GTF2H1: variants seen among roughly 807,000 people sequenced by gnomAD.
GTF2H1 encodes the protein BTF2 p62.
In GTF2H1, 16 loss-of-function variants were observed where a neutral mutation model predicts 71.2. That is an observed-to-expected ratio of 0.22 (90% confidence interval 0.15 to 0.34). The LOEUF (loss-of-function observed/expected upper bound fraction) is 0.34, where lower values mean the gene tolerates loss of function less well. Ranked by LOEUF, GTF2H1 falls within the 10% of genes least tolerant of loss-of-function variation. The probability of loss-of-function intolerance (pLI) is 1.00; values close to 1 mark genes in which losing one functional copy is unlikely to be tolerated. For missense variants in GTF2H1, 498 were observed against 648.2 expected, an observed-to-expected ratio of 0.77 and a Z score of 2.52; for synonymous variants, 215 against 219.0, an observed-to-expected ratio of 0.98 and a Z score of 0.16.
At chr11:18,335,486 C>A in intron 2 of GTF2H1, among the ~76,000 whole-genome samples, 1 of 152,058 alleles carries the variant, frequency 6.6e-6, no homozygotes, top group South Asian at 2.1e-4. Flanking sequence ...AACAAAAGCC[C>A]ATTAATATCT....
chr11:18,355,206 G>A (rs1044134796), intron 11 of GTF2H1, among the ~76,000 whole-genome samples: 32 of 148,490 alleles, frequency 2.2e-4, no homozygotes, highest in East Asian at 4.1e-4. Flanking sequence ...GCAGTGGCAT[G>A]ATCCCCACTC....
At position 18,340,778 on chromosome 11, in the gene GTF2H1, A is replaced by G. The variant is rs61884319; in HGVS notation, c.608-483A>G. ...AAGATTAAGTAATTTGCTCAGGGTCACACAGATAGAAAGTGGCAGACCTGG... is the reference window on the plus strand; with the variant it reads ...AAGATTAAGTAATTTGCTCAGGGTCGCACAGATAGAAAGTGGCAGACCTGG... On this transcript the variant is annotated intron_variant, in intron 5 of 14. Coordinates refer to ENST00000265963, the MANE Select transcript of GTF2H1 (RefSeq NM_005316.4). Among the ~76,000 whole-genome samples, 1,106 of 152,332 alleles carry G rather than the reference A, an allele frequency of 7.3e-3. 5 individuals carry two copies. Among genetic ancestry groups the G allele is most frequent in the Non-Finnish European group, 0.013 (863 of 68,026 alleles).
intron 11 of GTF2H1, among the ~76,000 whole-genome samples, chr11:18,355,422 C>T (rs1416031939): frequency 6.6e-6 from 1 of 151,708 alleles, no homozygotes; most frequent in Non-Finnish European, 1.5e-5. Flanking sequence ...GGATTACAGG[C>T]GTGAGCCACC....
At chr11:18,359,902 G>A (rs999147797) in intron 13 of GTF2H1, among the ~76,000 whole-genome samples, 2 of 151,640 alleles carry the variant, frequency 1.3e-5, no homozygotes, top group South Asian at 2.1e-4. Flanking sequence ...CAGGCAGATC[G>A]CTTGAGCTCA....
intron 3 of GTF2H1, 104 bp from the exon 4 acceptor site, chr11:18,338,005 G>C (rs760174039): frequency 1.1e-5 from 8 of 702,250 alleles, no homozygotes; most frequent in Non-Finnish European, 1.9e-5. Context: ...CAAAATAAAA[G>C]TTGTGTGTTT....
chr11:18,353,463 A>G (rs1590195886), intron 11 of GTF2H1, among the ~76,000 whole-genome samples: 2 of 152,274 alleles, frequency 1.3e-5, no homozygotes, highest in East Asian at 3.9e-4. Flanking sequence ...GCTGTCCAGA[A>G]TCTTTTGATC....
At chr11:18,356,295 T>C (rs1448540300) in intron 11 of GTF2H1, among the ~76,000 whole-genome samples, 1 of 151,486 alleles carries the variant, frequency 6.6e-6, no homozygotes, top group Non-Finnish European at 1.5e-5. Context: ...GAAGAATTGC[T>C]TGAGCCTGGG....
At chr11:18,365,245 G>A (rs1253175029) in intron 14 of GTF2H1, among the ~76,000 whole-genome samples, 1 of 151,990 alleles carries the variant, frequency 6.6e-6, no homozygotes, top group Non-Finnish European at 1.5e-5. Flanking sequence ...AGGTGTGGTG[G>A]CTCATGGTTG....
intron 1 of GTF2H1, among the ~76,000 whole-genome samples, chr11:18,332,027 T>C (rs1015412087): frequency 2.6e-5 from 4 of 152,158 alleles, no homozygotes; most frequent in Non-Finnish European, 4.4e-5. Context: ...GGTCTCACTT[T>C]GTTGACAAGG....
chr11:18,323,937 C>G (rs929695673), intron 1 of GTF2H1, among the ~76,000 whole-genome samples: 5 of 152,294 alleles, frequency 3.3e-5, no homozygotes, highest in Middle Eastern at 3.4e-3. Flanking sequence ...AGTAGCAGGC[C>G]TTGGACTTAG....
intron 5 of GTF2H1, among the ~76,000 whole-genome samples, chr11:18,340,290 T>TC (rs1865127151): frequency 6.9e-6 from 1 of 145,188 alleles, no homozygotes; most frequent in Non-Finnish European, 1.5e-5. Flanking sequence ...CCCTATCTCT[T>TC]TTTTTTTTTT....
chr11:18,325,139 C>T (rs1204606193), intron 1 of GTF2H1, among the ~76,000 whole-genome samples: 1 of 152,212 alleles, frequency 6.6e-6, no homozygotes, highest in Non-Finnish European at 1.5e-5. Flanking sequence ...CAGAAGATTT[C>T]TCTTTCACTT....
In GTF2H1 at chr11:18,351,965, G is replaced by A. The variant is rs201806187; in HGVS notation, c.1138G>A (p.Asp380Asn). Residue 380 changes from aspartate to asparagine, a missense_variant, in exon 10 of 15, where the codon GAT (aspartate) becomes AAT (asparagine). This residue lies in a region of GTF2H1 where 266 missense variants were observed against 301.6 expected (regional missense o/e 0.88). Transcript: ENST00000265963. The part of the protein sequence containing the change: ...KTIALNLKKS[D>N]RYYHGPTPIQ... ...GATTGCACTAAACCTCAAGAAGTCA[G>A]ATAGGTAAGTTTGGTCAATATTAAG... 1.3e-6 allele frequency: 2 copies of A among 1,559,208 alleles called. No homozygotes were observed. Among genetic ancestry groups the A allele is most frequent in the African/African-American group, 1.4e-5 (1 of 73,954 alleles).
intron 4 of GTF2H1, among the ~76,000 whole-genome samples, chr11:18,338,970 C>T (rs1443204952): frequency 6.6e-6 from 1 of 151,836 alleles, no homozygotes; most frequent in Non-Finnish European, 1.5e-5. Flanking sequence ...ATTTTACTTA[C>T]AATACAAGGT....
At chr11:18,354,086 T>G (rs1229391504) in intron 11 of GTF2H1, among the ~76,000 whole-genome samples, 5 of 152,238 alleles carry the variant, frequency 3.3e-5, no homozygotes, top group Non-Finnish European at 5.9e-5. Context: ...AATCTTTGTC[T>G]TTTCATAACT....
At chr11:18,347,540 G>T (rs1865323895) in intron 7 of GTF2H1, 48 bp from the exon 8 acceptor site, 1 of 1,419,578 alleles carries the variant, frequency 7.0e-7, no homozygotes, top group Admixed American at 2.7e-5. Flanking sequence ...CTTATAATAA[G>T]AAAAGCAGAA....
chr11:18,354,662 TG>T (rs1331904193), intron 11 of GTF2H1, among the ~76,000 whole-genome samples: 2 of 152,236 alleles, frequency 1.3e-5, no homozygotes, highest in African/African-American at 4.8e-5. Flanking sequence ...TGTTAAATGA[TG>T]ATTTTCTAAT....
intron 11 of GTF2H1, among the ~76,000 whole-genome samples, chr11:18,353,512 C>T (rs1319601521): frequency 6.6e-6 from 1 of 152,206 alleles, no homozygotes; most frequent in Non-Finnish European, 1.5e-5. Context: ...TCGGCTTATG[C>T]TCTTTCTCTT....
At chr11:18,362,752 C>T (rs1335836104) in intron 14 of GTF2H1, among the ~76,000 whole-genome samples, 3 of 148,956 alleles carry the variant, frequency 2.0e-5, no homozygotes, top group Non-Finnish European at 4.4e-5. Context: ...CTCATTGCAA[C>T]CTCTGCCTCC....
Sources: gnomAD v4.1 joint callset for allele counts (sites outside exome capture counted in the v4.1 genomes callset) on GRCh38, gnomAD v4.1.1 for gene constraint, gnomAD v4.1.1 regional missense constraint, MANE v1.5 for transcripts, NCBI Gene and HGNC (gene_info 2026-07-23, HGNC 2026-07-21) for gene names.